The following FARP1 variants were observed in gnomAD, a reference collection of about 807,000 sequenced individuals.
FARP1 encodes FERM, ARHGEF and pleckstrin domain-containing protein 1.
FARP1 carries 52 observed loss-of-function variants against 128.8 expected under a neutral mutation model. The ratio of observed to expected loss-of-function variants is 0.40; its 90% confidence interval spans 0.32 to 0.51. The LOEUF (loss-of-function observed/expected upper bound fraction) is 0.51, where lower values mean the gene tolerates loss of function less well. FARP1 is among the 20% of genes least tolerant of loss of function. The pLI is 0.45. For synonymous variants in FARP1, 580 were observed against 551.8 expected, an observed-to-expected ratio of 1.05 and a Z score of -0.72; for missense variants, 1,333 against 1,367.9, an observed-to-expected ratio of 0.97 and a Z score of 0.40.
chr13:98,446,064 C>A, intron 24 of FARP1, 34 bp from the exon 25 acceptor site: 1 of 1,466,390 alleles, frequency 6.8e-7, no homozygotes, highest in Non-Finnish European at 9.6e-7. Flanking sequence ...GGCAGGTGCC[C>A]GCTGTGCTTC....
intron 2 of FARP1, among the ~76,000 whole-genome samples, chr13:98,277,146 A>ACACACACACACACCCACC (rs1230875597): frequency 7.1e-6 from 1 of 139,892 alleles, no homozygotes. Context: ...ACACACACAC[A>ACACACACACACACCCACC]CACCCCATAT....
chr13:98,440,811 T>C lies in FARP1; in HGVS notation c.2771T>C (p.Met924Thr), dbSNP rs1892493815. 4.3e-6 allele frequency: 7 copies of C among 1,611,100 alleles called. No homozygotes were observed. In the South Asian group the frequency reaches 4.4e-5, roughly 10 times the overall value. ...TGGCACCGCAACACCAGCGTCTCCA[T>C]GGTGGACTTCAGCATCGCAGTGGAG... Reference protein sequence around the residue: ...VCWHRNTSVSMVDFSIAVENQ... With the variant: ...VCWHRNTSVSTVDFSIAVENQ... The change falls in exon 24 of 27, where the codon ATG (methionine) becomes ACG (threonine). Residue 924 changes from methionine (M) to threonine (T), a missense_variant. By Grantham distance (81) the Met-to-Thr change is moderately conservative. Transcript: ENST00000319562.
chr13:98,353,464 C>T (rs768153154), intron 3 of FARP1, among the ~76,000 whole-genome samples: 34 of 152,252 alleles, frequency 2.2e-4, no homozygotes, highest in South Asian at 6.2e-4. Flanking sequence ...CTGCAACCTC[C>T]GCCTCCCAGG....
At chr13:98,154,121 A>G (rs1404769307) in intron 1 of FARP1, among the ~76,000 whole-genome samples, 4 of 152,294 alleles carry the variant, frequency 2.6e-5, no homozygotes, top group African/African-American at 7.2e-5. Flanking sequence ...CACTTTTGCT[A>G]TCTAGTTAGT....
At chr13:98,286,868 G>A (rs947118764) in intron 2 of FARP1, among the ~76,000 whole-genome samples, 3 of 152,112 alleles carry the variant, frequency 2.0e-5, no homozygotes, top group Admixed American at 2.0e-4. Context: ...TGGATTGATG[G>A]GCTTCAGGGA....
intron 2 of FARP1, among the ~76,000 whole-genome samples, chr13:98,340,492 G>A (rs1008248228): frequency 6.6e-6 from 1 of 151,978 alleles, no homozygotes; most frequent in East Asian, 1.9e-4. Flanking sequence ...TTACAGGAGC[G>A]GGCCACCACA....
At chr13:98,180,135 G>T (rs1326691613) in intron 1 of FARP1, among the ~76,000 whole-genome samples, 3 of 152,086 alleles carry the variant, frequency 2.0e-5, no homozygotes. Flanking sequence ...AAGAAGAGAG[G>T]ATTAATTGAC....
intron 3 of FARP1, among the ~76,000 whole-genome samples, chr13:98,352,704 G>A (rs186357926): frequency 9.2e-5 from 14 of 152,304 alleles, no homozygotes. Context: ...TGTTCTTCCT[G>A]AGACACCACG....
intron 17 of FARP1, among the ~76,000 whole-genome samples, chr13:98,426,828 C>T (rs559669730): frequency 5.5e-4 from 84 of 152,338 alleles, no homozygotes; most frequent in African/African-American, 1.9e-3. Flanking sequence ...ATGGCTGAGG[C>T]ACAACAGATA....
At chr13:98,411,420 G>A (rs551950890) in intron 15 of FARP1, among the ~76,000 whole-genome samples, 13 of 152,266 alleles carry the variant, frequency 8.5e-5, no homozygotes, top group African/African-American at 2.4e-4. Context: ...CTCGCTAAGC[G>A]TTGTGAACCC....
chr13:98,215,615 T>G (rs1180977106), intron 2 of FARP1, among the ~76,000 whole-genome samples: 1 of 152,214 alleles, frequency 6.6e-6, no homozygotes, highest in African/African-American at 2.4e-5. Context: ...AGTAATGACA[T>G]GCACGTCCAA....
chr13:98,218,095 G>A (rs528431606), intron 2 of FARP1, among the ~76,000 whole-genome samples: 1 of 152,146 alleles, frequency 6.6e-6, no homozygotes, highest in African/African-American at 2.4e-5. Flanking sequence ...TCCCACAGAG[G>A]TGGTCCCTGT....
At chr13:98,279,892 C>G (rs1203093122) in intron 2 of FARP1, among the ~76,000 whole-genome samples, 10 of 150,486 alleles carry the variant, frequency 6.6e-5, no homozygotes, top group African/African-American at 2.4e-4. Context: ...CAGGCGACGC[C>G]CCCCCTCTGT....
At chr13:98,208,743 C>A (rs931952313) in intron 1 of FARP1, 4 of 152,600 alleles carry the variant, frequency 2.6e-5, no homozygotes, top group African/African-American at 9.7e-5. Flanking sequence ...GAAGGACACG[C>A]CCTTTTAGGC....
At chr13:98,166,757 C>T (rs1193800597) in intron 1 of FARP1, among the ~76,000 whole-genome samples, 1 of 145,228 alleles carries the variant, frequency 6.9e-6, no homozygotes, top group Non-Finnish European at 1.5e-5. Flanking sequence ...GGGTCTCGTT[C>T]TGTCACTGTG....
chr13:98,270,645 G>A (rs1245286444), intron 2 of FARP1, among the ~76,000 whole-genome samples: 1 of 152,156 alleles, frequency 6.6e-6, no homozygotes, highest in East Asian at 1.9e-4. Context: ...TAGCCTGACT[G>A]AAACTTGTTG....
intron 2 of FARP1, among the ~76,000 whole-genome samples, chr13:98,230,949 C>T (rs1167552024): frequency 6.6e-6 from 1 of 152,196 alleles, no homozygotes; most frequent in Non-Finnish European, 1.5e-5. Context: ...AAAGGCACAT[C>T]TTACATGGCG....
At chr13:98,168,786 G>A (rs1422962038) in intron 1 of FARP1, among the ~76,000 whole-genome samples, 1 of 152,200 alleles carries the variant, frequency 6.6e-6, no homozygotes, top group African/African-American at 2.4e-5. Flanking sequence ...TTTGTTAGAA[G>A]ATCAGAAAAC....
chr13:98,366,413 A>G (rs1889086565), intron 4 of FARP1, among the ~76,000 whole-genome samples: 1 of 152,256 alleles, frequency 6.6e-6, no homozygotes, highest in Non-Finnish European at 1.5e-5. Flanking sequence ...TGTCCTGAGC[A>G]TGGCTGGCAG....
Sources: gnomAD v4.1 joint callset for allele counts (sites outside exome capture counted in the v4.1 genomes callset) on GRCh38, gnomAD v4.1.1 for gene constraint, MANE v1.5 for transcripts, NCBI Gene and HGNC (gene_info 2026-07-23, HGNC 2026-07-21) for gene names.